Variants in PTCHD1 observed in about 807,000 individuals in gnomAD.
PTCHD1 encodes patched domain containing 1.
In PTCHD1, 3 loss-of-function variants were observed where a neutral mutation model predicts 34.6. The ratio of observed to expected loss-of-function variants is 0.09; its 90% CI spans 0.04 to 0.22. PTCHD1 has a LOEUF of 0.22. Among genes scored for constraint, PTCHD1 ranks in the 10% least tolerant of loss-of-function variants. The pLI, the probability that PTCHD1 is intolerant of heterozygous loss-of-function variation, is 1.00. For synonymous variants in PTCHD1, 305 were observed against 283.1 expected (o/e 1.08, Z -0.77); for missense variants, 504 against 685.5 (o/e 0.74, Z 2.96).
At chrX:23,350,396 G>A (rs1347462237) in intron 1 of PTCHD1, among the ~76,000 whole-genome samples, 1 of 111,740 alleles carries the variant, frequency 8.9e-6, no homozygotes, top group Non-Finnish European at 1.9e-5. Context: ...AGTCATCAAA[G>A]GGAAAAGGGT....
At chrX:23,359,164 GT>G (rs1330484134) in intron 1 of PTCHD1, among the ~76,000 whole-genome samples, 1 of 112,444 alleles carries the variant, frequency 8.9e-6, no homozygotes, top group Non-Finnish European at 1.9e-5. Flanking sequence ...CTTTAAAGTA[GT>G]TTTTTCCAAT....
In PTCHD1 at chrX:23,380,361, C is replaced by T. The variant is rs772639098; in HGVS notation, c.1012+110C>T. On this transcript the variant is annotated intron_variant, in intron 2 of 2. Transcript: ENST00000379361. The stretch of plus-strand genomic sequence containing the variant: ...ACTTTGTTTCATTTAACAGTATCTT[C>T]ATTTTGCCCAAAAGTCCTGGGACCC... 26 of 772,074 alleles carry T rather than the reference C, an allele frequency of 3.4e-5. No homozygotes were observed. In the South Asian group the frequency reaches 4.3e-4, roughly 13 times the overall value. 63.6% of individuals were successfully genotyped at this position (772,074 alleles called of 1,213,427 possible). A position where few individuals can be genotyped will look rare whatever the true frequency, so the allele number is the denominator to read the frequency against.
Position 23,339,431 on chromosome X carries a change from A to G in PTCHD1, c.351+4205A>G, listed in dbSNP as rs182399696. Among the ~76,000 whole-genome samples the G allele has an allele frequency of 2.0e-3, 220 of 112,367 alleles. 1 individual carries two copies. Among genetic ancestry groups the G allele is most frequent in the African/African-American group, 6.6e-3 (206 of 31,007 alleles). ...AACCACGGGAAGGACGCATCCTCAC[A>G]TAGCAAACATTCTTCCATTTACTAG... On this transcript the variant is annotated intron_variant, in intron 1 of 2. Coordinates refer to ENST00000379361, the MANE Select transcript of PTCHD1 (RefSeq NM_173495.3).
rs912588713 is a variant in PTCHD1, at chrX:23,400,638, G to A, written c.*6453G>A. On this transcript the variant is annotated 3_prime_UTR_variant, in exon 3 of 3. Transcript: ENST00000379361. ...TCTGCTGCTGCTGATATAACTTCAG[G>A]CACAACGGAAGCCGCCTCGGTTGGC... The A allele has an allele frequency of 8.9e-6, 1 of 112,086 alleles. No homozygotes were observed. The highest frequency in any genetic ancestry group is 1.9e-5 in the Non-Finnish European group (1 of 53,277). The allele number at this position is 112,086 out of a possible 1,213,427, so 9.2% of individuals were successfully genotyped here. A position where few individuals can be genotyped will look rare whatever the true frequency, so the allele number is the denominator to read the frequency against.
intron 1 of PTCHD1, among the ~76,000 whole-genome samples, chrX:23,359,779 G>A (rs1006466182): frequency 1.1e-4 from 12 of 111,948 alleles, no homozygotes; most frequent in Non-Finnish European, 2.3e-4. Context: ...GATATTGGCT[G>A]TGGGTTTATC....
chrX:23,336,456 G>A (rs967821047), intron 1 of PTCHD1, among the ~76,000 whole-genome samples: 1 of 111,250 alleles, frequency 9.0e-6, no homozygotes, highest in Non-Finnish European at 1.9e-5. Flanking sequence ...GGAGTCTGCC[G>A]GGAAACCTGG....
intron 1 of PTCHD1, among the ~76,000 whole-genome samples, chrX:23,371,042 C>T (rs767363746): frequency 5.4e-5 from 6 of 110,979 alleles, no homozygotes; most frequent in Non-Finnish European, 9.4e-5. Context: ...CTGACGAAAG[C>T]TCAGGTAGGT....
In PTCHD1 at chrX:23,403,152, G is replaced by T. The variant is rs1923164038; in HGVS notation, c.*8967G>T. 1 of 112,200 alleles carries T rather than the reference G, an allele frequency of 8.9e-6. No individual in the cohort carries two copies. Among genetic ancestry groups the T allele is most frequent in the Non-Finnish European group, 1.9e-5 (1 of 53,240 alleles). The allele number at this position is 112,200 out of a possible 1,213,427, so 9.2% of individuals were successfully genotyped here. A position where few individuals can be genotyped will look rare whatever the true frequency, so the allele number is the denominator to read the frequency against. On this transcript the variant is annotated 3_prime_UTR_variant, in exon 3 of 3. Transcript: ENST00000379361. ...TTTTTAAGTTGCTTCCATGGCAATAGATCGTAAGACCACAGCTTGTCAAAG... is the reference window on the plus strand; with the variant it reads ...TTTTTAAGTTGCTTCCATGGCAATATATCGTAAGACCACAGCTTGTCAAAG...
rs753346654 is a variant in PTCHD1 at position 23,348,314 on chromosome X, G to C, written c.351+13088G>C. Reference sequence around the variant, plus strand: ...CGGAACATCTAAAAATTGTGAGACAGGGTTATCAAAATATATGACATACAC... The same window carrying C: ...CGGAACATCTAAAAATTGTGAGACACGGTTATCAAAATATATGACATACAC... On this transcript the variant is annotated intron_variant, in intron 1 of 2. Coordinates refer to ENST00000379361, the MANE Select transcript of PTCHD1 (RefSeq NM_173495.3). Among the ~76,000 whole-genome samples, 18 of 107,442 alleles carry C rather than the reference G, an allele frequency of 1.7e-4. No individual in the cohort carries two copies. In the East Asian group the frequency reaches 4.9e-3, roughly 29 times the overall value. The allele number at this position is 107,442 out of a possible 115,157, so 93.3% of individuals were successfully genotyped here.
At position 23,397,039 on chromosome X, in the gene PTCHD1, T is replaced by C. The variant is rs951511778; in HGVS notation, c.*2854T>C. On this transcript the variant is annotated 3_prime_UTR_variant, in exon 3 of 3. Transcript: ENST00000379361. ...CTGCAAACACTTGAAGAAGCTGTGTTTTTTTTCTTTCAATTAATTCCAACC... is the reference window on the plus strand; with the variant it reads ...CTGCAAACACTTGAAGAAGCTGTGTCTTTTTTCTTTCAATTAATTCCAACC... 1.8e-5 allele frequency: 2 copies of C among 111,928 alleles called. No individual in the cohort carries two copies. The highest frequency in any genetic ancestry group is 3.8e-5 in the Non-Finnish European group (2 of 53,191). The allele number at this position is 111,928 out of a possible 1,213,427, so 9.2% of individuals were successfully genotyped here. A position where few individuals can be genotyped will look rare whatever the true frequency, so the allele number is the denominator to read the frequency against.
At chrX:23,374,280 C>CAAAAAAAAAAAA (rs752214252) in intron 1 of PTCHD1, among the ~76,000 whole-genome samples, 6 of 24,543 alleles carry the variant, frequency 2.4e-4, no homozygotes, top group Non-Finnish European at 5.0e-4. Context: ...GAAACAAATA[C>CAAAAAAAAAAAA]AAAAAAAAAA....
intron 2 of PTCHD1, among the ~76,000 whole-genome samples, chrX:23,391,358 CA>C (rs200572092): frequency 1.8e-5 from 2 of 110,979 alleles, no homozygotes; most frequent in African/African-American, 6.6e-5. Context: ...TATGAATAAC[CA>C]AATTGGTCAA....
Position 23,380,130 on chromosome X carries a change from C to G in PTCHD1, c.891C>G (p.Pro297=). The G allele has an allele frequency of 6.6e-6, 8 of 1,211,581 alleles. No homozygotes were observed. The highest frequency in any genetic ancestry group is 8.9e-6 in the Non-Finnish European group (8 of 895,216). ...TGCAGGACTGCGTCCGCAGCAAACCCTGGCTAGGCCTGCTCGGATTGGTGA... is the reference window on the plus strand; with the variant it reads ...TGCAGGACTGCGTCCGCAGCAAACCGTGGCTAGGCCTGCTCGGATTGGTGA... The part of the protein sequence containing the change: ...CSMQDCVRSK[P]WLGLLGLVTI... Residue 297 remains proline, a synonymous_variant, in exon 2 of 3, where the codon CCC becomes CCG. Transcript: ENST00000379361.
intron 1 of PTCHD1, among the ~76,000 whole-genome samples, chrX:23,364,116 C>T (rs778348086): frequency 3.6e-5 from 4 of 110,939 alleles, no homozygotes; most frequent in Non-Finnish European, 5.7e-5. Context: ...GTGTATTCTA[C>T]GTGATTCCAT....
rs1014794398 is a variant in PTCHD1 at position 23,402,899 on chromosome X, T to C, written c.*8714T>C. 5.3e-5 allele frequency: 6 copies of C among 112,513 alleles called. No individual in the cohort carries two copies. Among genetic ancestry groups the C allele is most frequent in the African/African-American group, 1.9e-4 (6 of 31,021 alleles). The allele number at this position is 112,513 out of a possible 1,213,427, so 9.3% of individuals were successfully genotyped here. On this transcript the variant is annotated 3_prime_UTR_variant, in exon 3 of 3. Coordinates refer to ENST00000379361, the MANE Select transcript of PTCHD1 (RefSeq NM_173495.3). The stretch of plus-strand genomic sequence containing the variant: ...CTGCCAATAATTATTAATGACAAAA[T>C]AGTGATAACTGTTCAATGTTGCTTT...
In PTCHD1 at chrX:23,380,862, C is replaced by T. The variant is rs757327983; in HGVS notation, c.1012+611C>T. ...GATTCATTGAGGGCTGCTCCCCAGG[C>T]CAGTTAACTGCCAGCACTTCCCAGG... On this transcript the variant is annotated intron_variant, in intron 2 of 2. Transcript: ENST00000379361. Among the ~76,000 whole-genome samples, 9 of 111,298 alleles carry T rather than the reference C, an allele frequency of 8.1e-5. No individual in the cohort carries two copies. In the East Asian group the frequency reaches 2.3e-3, roughly 28 times the overall value.
intron 2 of PTCHD1, among the ~76,000 whole-genome samples, chrX:23,388,381 C>G (rs1922736070): frequency 8.9e-6 from 1 of 112,464 alleles, no homozygotes; most frequent in Non-Finnish European, 1.9e-5. Flanking sequence ...GCAAAGCAAA[C>G]AGCAGTACTT....
intron 1 of PTCHD1, among the ~76,000 whole-genome samples, chrX:23,339,058 G>A (rs1954102257): frequency 1.8e-5 from 2 of 111,533 alleles, no homozygotes; most frequent in African/African-American, 6.5e-5. Context: ...CTGCTCATTG[G>A]CAGGGTCCAG....
rs1445000790 is a variant in PTCHD1, at chrX:23,394,394, A to G, written c.*209A>G. 1 of 354,904 alleles carries G rather than the reference A, an allele frequency of 2.8e-6. No homozygotes were observed. The highest frequency in any genetic ancestry group is 3.3e-5 in the African/African-American group (1 of 30,762). The allele number at this position is 354,904 out of a possible 1,213,427, so 29.2% of individuals were successfully genotyped here. On this transcript the variant is annotated 3_prime_UTR_variant, in exon 3 of 3. Coordinates refer to ENST00000379361, the MANE Select transcript of PTCHD1 (RefSeq NM_173495.3). ...TTAAAACAAAGGAGTTGTTATGAGA[A>G]TTCACACACACATAGACACACACAC...
Sources: allele counts gnomAD v4.1 joint callset (sites outside exome capture counted in the v4.1 genomes callset), GRCh38; gene constraint gnomAD v4.1.1; transcripts MANE v1.5; gene names NCBI Gene and HGNC (gene_info 2026-07-23, HGNC 2026-07-21).